CDKN1A: variants seen among roughly 807,000 people sequenced by gnomAD.
The protein encoded by CDKN1A is cyclin dependent kinase inhibitor 1A, also known as cyclin-dependent kinase inhibitor 1.
Under a neutral mutation model 14.8 loss-of-function variants are expected in CDKN1A, and 14 were observed. The observed-to-expected ratio is 0.94, with a 90% CI of 0.62 to 1.48. The LOEUF (loss-of-function observed/expected upper bound fraction) is 1.48. Among genes scored for constraint, CDKN1A ranks in the 40% most tolerant of loss-of-function variants. The pLI is 0.00. For missense variants in CDKN1A, 203 were observed against 231.7 expected (o/e 0.88, Z 0.80); for synonymous variants, 92 against 93.5 (o/e 0.98, Z 0.09).
chr6:36,679,443 CTG>C (rs1189079591), intron 1 of CDKN1A, among the ~76,000 whole-genome samples: 1 of 152,194 alleles, frequency 6.6e-6, no homozygotes, highest in Non-Finnish European at 1.5e-5. Flanking sequence ...AGGTGACTCA[CTG>C]TGACAAGGAG....
At chr6:36,682,977 CT>C (rs1384480010) in intron 1 of CDKN1A, among the ~76,000 whole-genome samples, 2 of 152,238 alleles carry the variant, frequency 1.3e-5, no homozygotes, top group African/African-American at 4.8e-5. Context: ...CCGGCCCCTC[CT>C]TACCCCTAGG....
intron 1 of CDKN1A, among the ~76,000 whole-genome samples, chr6:36,681,318 T>TTC (rs1224751108): frequency 7.7e-6 from 1 of 129,370 alleles, no homozygotes; most frequent in Non-Finnish European, 1.7e-5. Flanking sequence ...CTTTCTTTCT[T>TTC]TCTTTCTTTC....
chr6:36,679,203 C>A (rs1304126617), intron 1 of CDKN1A, among the ~76,000 whole-genome samples: 1 of 152,196 alleles, frequency 6.6e-6, no homozygotes, highest in Non-Finnish European at 1.5e-5. Context: ...GGGATGAAGT[C>A]CGTGTCCCTG....
At chr6:36,685,407 C>G (rs1762166102) in intron 2 of CDKN1A, among the ~76,000 whole-genome samples, 1 of 152,222 alleles carries the variant, frequency 6.6e-6, no homozygotes, top group African/African-American at 2.4e-5. Flanking sequence ...TGACACACAG[C>G]TCATGTGACT....
At chr6:36,680,333 T>TGTGG (rs1205195699) in intron 1 of CDKN1A, 3 of 151,310 alleles carry the variant, frequency 2.0e-5, no homozygotes, top group Non-Finnish European at 4.4e-5. Context: ...TGTGTGTGTG[T>TGTGG]GTGTGTGTGT....
chr6:36,677,873 T>A (rs1340888965), upstream of CDKN1A: 2 of 1,366,568 alleles, frequency 1.5e-6, no homozygotes, highest in Non-Finnish European at 1.9e-6. Flanking sequence ...AACTCACTCG[T>A]CAAATCCTCC....
rs184374036 is a variant in CDKN1A at position 36,686,104 on chromosome 6, G to C, written c.*304G>C. On this transcript the variant is annotated 3_prime_UTR_variant, in exon 3 of 3. Coordinates refer to ENST00000244741, the MANE Select transcript of CDKN1A (RefSeq NM_000389.5). This position sits in a 1 kb window ranked among gnomAD's most constrained non-coding sequence, Gnocchi z 4.9. ...TTCCTCTCTCCCGGAGGTTGGGTGG[G>C]CCGGCTTCATGCCAGCTACTTCCTC... 3.5e-4 allele frequency: 171 copies of C among 487,008 alleles called. 3 individuals carry two copies. In the East Asian group the frequency reaches 5.5e-3, roughly 16 times the overall value. The allele number at this position is 487,008 out of a possible 1,614,324, so 30.2% of individuals were successfully genotyped here.
At position 36,678,949 on chromosome 6, in the gene CDKN1A, G is replaced by A. The variant is rs947274992; in HGVS notation, c.-6+151G>A. The A allele has an allele frequency of 7.1e-6, 7 of 985,698 alleles. No individual in the cohort carries two copies. In the South Asian group the frequency reaches 1.4e-4, roughly 20 times the overall value. The allele number at this position is 985,698 out of a possible 1,614,324, so 61.1% of individuals were successfully genotyped here. ...GGTGTTTCTGCGGCAGGTGAATGAC[G>A]GGCGTGGGTCGGTGCGCGCTCGGCT... On this transcript the variant is annotated intron_variant, in intron 1 of 2. Transcript: ENST00000244741. This position sits in a 1 kb window ranked among gnomAD's most constrained non-coding sequence, Gnocchi z 5.7.
At chr6:36,685,658 G>A in intron 2 of CDKN1A, 93 bp from the exon 3 acceptor site, 1 of 1,303,906 alleles carries the variant, frequency 7.7e-7, no homozygotes, top group Non-Finnish European at 1.1e-6. Flanking sequence ...CCCCAGGGAA[G>A]GGTGTCCTGG....
chr6:36,683,161 T>C (rs576653307), intron 1 of CDKN1A, among the ~76,000 whole-genome samples: 1 of 152,246 alleles, frequency 6.6e-6, no homozygotes, highest in African/African-American at 2.4e-5. Context: ...TACGAAGTGC[T>C]GCTGGCACGT....
intron 1 of CDKN1A, among the ~76,000 whole-genome samples, chr6:36,683,001 C>T (rs567871095): frequency 1.3e-5 from 2 of 152,264 alleles, no homozygotes; most frequent in Admixed American, 1.3e-4. Context: ...ACCCGCCTGA[C>T]GACATCCTTG....
chr6:36,682,613 A>T (rs1371808074), intron 1 of CDKN1A: 1 of 152,278 alleles, frequency 6.6e-6, no homozygotes, highest in Non-Finnish European at 1.5e-5. Flanking sequence ...CTGCCTCATG[A>T]GGACTCAGCA....
chr6:36,685,609 C>T, intron 2 of CDKN1A, 142 bp from the exon 3 acceptor site: 1 of 816,832 alleles, frequency 1.2e-6, no homozygotes, highest in Non-Finnish European at 2.2e-6. Context: ...AGTGGACGTT[C>T]CCCGAGTTCT....
At position 36,685,672 on chromosome 6, in the gene CDKN1A, C is replaced by T. The variant is rs1007220462; in HGVS notation, c.446-79C>T. On this transcript the variant is annotated intron_variant, in intron 2 of 2. Transcript: ENST00000244741. ...GCCCCAGGGAAGGGTGTCCTGGCCC[C>T]CCACTGTCTTCCTCAGTTGGGCAGC... is the stretch of plus-strand genomic sequence containing the variant. 25 of 1,462,546 alleles carry T rather than the reference C, an allele frequency of 1.7e-5. No individual in the cohort carries two copies. The African/African-American group carries it at 2.9e-4, about 17-fold the overall frequency. 90.6% of individuals were successfully genotyped at this position (1,462,546 alleles called of 1,614,324 possible).
At chr6:36,678,694 C>T (rs1014464565), upstream of CDKN1A, 57 of 985,286 alleles carry the variant, frequency 5.8e-5, 1 homozygote, top group South Asian at 2.3e-4. This position sits in a 1 kb window ranked among gnomAD's most constrained non-coding sequence, Gnocchi z 5.7. Context: ...ATATCAGGGC[C>T]GCGCTGAGCT....
At chr6:36,679,903 T>C (rs4135240) in intron 1 of CDKN1A, among the ~76,000 whole-genome samples, 60,266 of 151,524 alleles carry the variant, frequency 0.4, 12,675 homozygotes, top group African/African-American at 0.53. Context: ...TCAGGGCCTC[T>C]ATCAGCTGCC....
At chr6:36,680,462 TC>T (rs1246587761) in intron 1 of CDKN1A, 3 of 144,026 alleles carry the variant, frequency 2.1e-5, no homozygotes, top group African/African-American at 7.7e-5. Flanking sequence ...ATTCTCCCCC[TC>T]CCCACCCCAG....
chr6:36,682,964 C>T (rs1582578070), intron 1 of CDKN1A, among the ~76,000 whole-genome samples: 2 of 152,204 alleles, frequency 1.3e-5, no homozygotes, highest in Admixed American at 6.5e-5. Flanking sequence ...TGCGCTGCCC[C>T]GCCCGGCCCC....
intron 1 of CDKN1A, among the ~76,000 whole-genome samples, chr6:36,681,335 T>TCTTTCTTTCC: frequency 3.9e-5 from 1 of 25,698 alleles, no homozygotes; most frequent in African/African-American, 1.4e-4. Flanking sequence ...TTTCTTTCTT[T>TCTTTCTTTCC]TTCTTTCTTT....
Sources: gnomAD v4.1 joint callset for allele counts (sites outside exome capture counted in the v4.1 genomes callset) on GRCh38, gnomAD v4.1.1 for gene constraint, Gnocchi (gnomAD v3.1) non-coding constraint, MANE v1.5 for transcripts, NCBI Gene and HGNC (gene_info 2026-07-23, HGNC 2026-07-21) for gene names.